CYRIB: variants seen among roughly 807,000 people sequenced by gnomAD.
The protein encoded by CYRIB is CYFIP related Rac1 interactor B.
Under a neutral mutation model 44.2 loss-of-function variants are expected in CYRIB, and 8 were observed. The ratio of observed to expected loss-of-function variants is 0.18; its 90% confidence interval spans 0.11 to 0.33. CYRIB has a LOEUF of 0.33. CYRIB is among the 10% of genes least tolerant of loss of function. The pLI is 1.00. For synonymous variants in CYRIB, 131 were observed against 127.2 expected (o/e 1.03, Z -0.20); for missense variants, 185 against 382.8 (o/e 0.48, Z 4.31).
intron 1 of CYRIB, among the ~76,000 whole-genome samples, chr8:129,994,743 G>T (rs978718371): frequency 3.9e-5 from 6 of 152,242 alleles, no homozygotes; most frequent in African/African-American, 1.4e-4. Flanking sequence ...AGAGGATTTT[G>T]ATGAGAAAAT....
chr8:129,848,888 A>C (rs932680952), intron 10 of CYRIB, among the ~76,000 whole-genome samples: 24 of 152,162 alleles, frequency 1.6e-4, no homozygotes, highest in Non-Finnish European at 3.5e-4. Context: ...CTGACTTTTT[A>C]TATGCATTCT....
chr8:130,014,477 G>A (rs1014910410), intron 1 of CYRIB, among the ~76,000 whole-genome samples: 7 of 152,124 alleles, frequency 4.6e-5, no homozygotes, highest in East Asian at 3.9e-4. Flanking sequence ...ACTGCAGCAC[G>A]CTGCTGCACA....
rs2060241947 is a variant in CYRIB, at chr8:129,879,694, C to T, written c.-10-223G>A. ...GGTTTTCCTGTACACAATGGCACAA[C>T]TGTTGCTCTAATTCTTCTCAAAATT... On this transcript the variant is annotated intron_variant, in intron 2 of 11. Transcript: ENST00000519824. 6.7e-6 allele frequency: 3 copies of T among 444,762 alleles called. 1 individual carries two copies. In the Middle Eastern group the frequency reaches 1.8e-3, roughly 269 times the overall value. The allele number at this position is 444,762 out of a possible 1,614,324, so 27.6% of individuals were successfully genotyped here. A position where few individuals can be genotyped will look rare whatever the true frequency, so the allele number is the denominator to read the frequency against.
chr8:129,919,115 C>T (rs764360081), intron 1 of CYRIB, among the ~76,000 whole-genome samples: 5 of 152,124 alleles, frequency 3.3e-5, no homozygotes, highest in Non-Finnish European at 5.9e-5. Flanking sequence ...TGATTGGCCT[C>T]GGCCTTCCAA....
intron 3 of CYRIB, among the ~76,000 whole-genome samples, chr8:129,876,982 T>C (rs2059325878): frequency 6.6e-6 from 1 of 152,180 alleles, no homozygotes; most frequent in South Asian, 2.1e-4. Context: ...TATAAAACGG[T>C]TTAAGAGAAC....
intron 2 of CYRIB, among the ~76,000 whole-genome samples, chr8:129,900,705 T>C (rs756505968): frequency 3.3e-5 from 5 of 152,200 alleles, no homozygotes; most frequent in African/African-American, 9.7e-5. Context: ...TTTGAGACAA[T>C]GTCCTGCTCT....
chr8:129,860,277 T>C (rs373219595), intron 5 of CYRIB, among the ~76,000 whole-genome samples: 35 of 152,348 alleles, frequency 2.3e-4, no homozygotes, highest in Middle Eastern at 3.4e-3. Flanking sequence ...TATTGGGATA[T>C]GCTAAAAGAC....
intron 2 of CYRIB, among the ~76,000 whole-genome samples, chr8:129,952,541 T>G (rs998859985): frequency 6.6e-6 from 1 of 152,106 alleles, no homozygotes; most frequent in Admixed American, 6.6e-5. Flanking sequence ...AAGATGAATG[T>G]GGAAGTGAAA....
At chr8:129,871,309 C>CA (rs1484844053) in intron 4 of CYRIB, 66 bp downstream of exon 6, 14 of 1,524,524 alleles carry the variant, frequency 9.2e-6, no homozygotes, top group South Asian at 4.0e-5. Context: ...GTCTAGAAAA[C>CA]AAGAGATTAC....
chr8:129,869,647 T>C (rs1277841037), intron 4 of CYRIB, among the ~76,000 whole-genome samples: 1 of 152,184 alleles, frequency 6.6e-6, no homozygotes, highest in Non-Finnish European at 1.5e-5. Flanking sequence ...AACTTGAATT[T>C]CACAGAAATG....
intron 1 of CYRIB, among the ~76,000 whole-genome samples, chr8:129,973,549 T>A (rs2132293859): frequency 6.6e-6 from 1 of 152,356 alleles, no homozygotes; most frequent in South Asian, 2.1e-4. Flanking sequence ...ACCAGCATGC[T>A]GAAGTCGGCT....
At chr8:130,015,380 G>A (rs541976970) in intron 1 of CYRIB, among the ~76,000 whole-genome samples, 2 of 152,150 alleles carry the variant, frequency 1.3e-5, no homozygotes, top group South Asian at 2.1e-4. Context: ...ATCTACGCTC[G>A]TTTTCTCAAG....
At chr8:129,859,051 G>C (rs370230647) in intron 5 of CYRIB, among the ~76,000 whole-genome samples, 1 of 152,140 alleles carries the variant, frequency 6.6e-6, no homozygotes, top group Non-Finnish European at 1.5e-5. Flanking sequence ...CGCAGAGACC[G>C]GTAGTGGCCC....
intron 2 of CYRIB, among the ~76,000 whole-genome samples, chr8:129,950,255 C>T (rs1452861343): frequency 6.6e-6 from 1 of 152,074 alleles, no homozygotes; most frequent in Non-Finnish European, 1.5e-5. Context: ...AGTTTTAATC[C>T]CTTCATTTTC....
intron 4 of CYRIB, chr8:129,865,005 G>C (rs1392246798): frequency 5.4e-6 from 1 of 183,568 alleles, no homozygotes; most frequent in Non-Finnish European, 1.1e-5. Context: ...AACTATGTCT[G>C]GTTCTTGCCA....
exon 1 of CYRIB, chr8:129,939,692 G>A (rs1169055211): frequency 6.6e-6 from 1 of 152,326 alleles, no homozygotes; most frequent in Non-Finnish European, 1.5e-5. Context: ...GGCGCTAGGG[G>A]GAGCCCCGGG....
intron 2 of CYRIB, among the ~76,000 whole-genome samples, chr8:129,880,798 T>G (rs1344511822): frequency 1.3e-5 from 2 of 152,208 alleles, no homozygotes; most frequent in Non-Finnish European, 2.9e-5. Flanking sequence ...AAAACTAGAT[T>G]TCTCAAATAA....
chr8:129,945,799 C>T (rs1237018422), intron 2 of CYRIB, among the ~76,000 whole-genome samples: 2 of 152,174 alleles, frequency 1.3e-5, no homozygotes, highest in Non-Finnish European at 2.9e-5. Context: ...TGTTAAACTC[C>T]TGACCTCAGG....
intron 2 of CYRIB, among the ~76,000 whole-genome samples, chr8:129,899,083 C>T (rs1319674372): frequency 1.3e-5 from 2 of 152,114 alleles, no homozygotes; most frequent in African/African-American, 2.4e-5. Context: ...AGGCTGATCT[C>T]GAACTCCTGA....
Sources: gnomAD v4.1 joint callset for allele counts (sites outside exome capture counted in the v4.1 genomes callset) on GRCh38, gnomAD v4.1.1 for gene constraint, MANE v1.5 for transcripts, NCBI Gene and HGNC (gene_info 2026-07-23, HGNC 2026-07-21) for gene names.